The following FHOD3 variants were observed in gnomAD, a reference collection of about 807,000 sequenced individuals.
FHOD3 encodes formin homology 2 domain containing 3, also known as FH1/FH2 domain-containing protein 3.
Under a neutral mutation model 173.0 loss-of-function variants are expected in FHOD3, and 90 were observed. That is an observed-to-expected ratio of 0.52 (90% confidence interval 0.44 to 0.62). FHOD3 has a LOEUF of 0.62. Ranked by LOEUF, FHOD3 falls within the 20% of genes least tolerant of loss-of-function variation. FHOD3 has a pLI of 0.00. For synonymous variants in FHOD3, 828 were observed against 823.0 expected, an observed-to-expected ratio of 1.01 and a Z score of -0.10; for missense variants, 1,945 against 2,034.7, an observed-to-expected ratio of 0.96 and a Z score of 0.85.
At chr18:36,684,687 T>C (rs768515408) in intron 15 of FHOD3, among the ~76,000 whole-genome samples, 8 of 151,988 alleles carry the variant, frequency 5.3e-5, no homozygotes, top group Admixed American at 2.6e-4. Context: ...AAACAAAAAT[T>C]GAAAGAAAAA....
At chr18:36,396,692 T>C (rs2048568872) in intron 3 of FHOD3, among the ~76,000 whole-genome samples, 1 of 152,224 alleles carries the variant, frequency 6.6e-6, no homozygotes, top group Non-Finnish European at 1.5e-5. Context: ...AATTTAGGTG[T>C]GATTTTAGGC....
chr18:36,745,249 C>T (rs544146395), intron 23 of FHOD3, among the ~76,000 whole-genome samples: 1 of 152,202 alleles, frequency 6.6e-6, no homozygotes. Context: ...CTGAACTGGC[C>T]TATCAGAATT....
intron 16 of FHOD3, among the ~76,000 whole-genome samples, chr18:36,687,812 C>T (rs1251955118): frequency 2.0e-5 from 3 of 152,020 alleles, no homozygotes; most frequent in Non-Finnish European, 4.4e-5. Context: ...TTCTTTTTTT[C>T]ATTTTAAAAA....
At chr18:36,618,035 G>A (rs1391954825) in intron 9 of FHOD3, among the ~76,000 whole-genome samples, 3 of 148,488 alleles carry the variant, frequency 2.0e-5, no homozygotes, top group Non-Finnish European at 4.5e-5. Flanking sequence ...CTTACTTTGT[G>A]TTTGTGACTT....
intron 5 of FHOD3, among the ~76,000 whole-genome samples, chr18:36,539,451 G>C (rs1262814582): frequency 6.6e-6 from 1 of 152,202 alleles, no homozygotes; most frequent in African/African-American, 2.4e-5. Flanking sequence ...AGAGTGAGAT[G>C]GGGGCCCAGT....
At chr18:36,723,527 C>T (rs998678329) in intron 19 of FHOD3, among the ~76,000 whole-genome samples, 6 of 152,152 alleles carry the variant, frequency 3.9e-5, no homozygotes, top group South Asian at 2.1e-4. Flanking sequence ...ACTTTCTCAA[C>T]GGACAGTTTT....
intron 5 of FHOD3, among the ~76,000 whole-genome samples, chr18:36,539,375 A>C (rs1222972304): frequency 6.6e-6 from 1 of 152,214 alleles, no homozygotes; most frequent in African/African-American, 2.4e-5. Flanking sequence ...CGTGTATAGA[A>C]GACATGGAGT....
intron 1 of FHOD3, among the ~76,000 whole-genome samples, chr18:36,300,114 A>G (rs1598620419): frequency 1.3e-5 from 2 of 152,210 alleles, no homozygotes; most frequent in African/African-American, 4.8e-5. Flanking sequence ...CATACTACAC[A>G]GCTCCATAAG....
chr18:36,702,977 A>G (rs2039674416), intron 17 of FHOD3, among the ~76,000 whole-genome samples: 1 of 152,220 alleles, frequency 6.6e-6, no homozygotes, highest in Admixed American at 6.5e-5. Flanking sequence ...TGCTAGCATG[A>G]GCTCTGCTTA....
Position 36,681,428 on chromosome 18 carries a change from A to G in FHOD3, c.1836-8A>G, listed in dbSNP as rs770557225. 1.9e-6 allele frequency: 3 copies of G among 1,613,648 alleles called. No homozygotes were observed. The Admixed American group carries it at 5.0e-5, about 27-fold the overall frequency. On this transcript the variant is annotated splice_region_variant and splice_polypyrimidine_tract_variant and intron_variant, in intron 14 of 28. Transcript: ENST00000590592. ...AGCAACTGAAACATTAACTCATTGT[A>G]TCTCCAGGTCATCACCGAGTGGTCT...
chr18:36,379,758 A>C (rs1215973253), intron 3 of FHOD3, among the ~76,000 whole-genome samples: 1 of 152,188 alleles, frequency 6.6e-6, no homozygotes, highest in African/African-American at 2.4e-5. Flanking sequence ...TCCTTTCACA[A>C]GTCTGGCCTG....
Position 36,594,916 on chromosome 18 carries a change from C to G in FHOD3, c.718+18C>G. The G allele has an allele frequency of 6.5e-7, 1 of 1,542,756 alleles. No individual in the cohort carries two copies. Among genetic ancestry groups the G allele is most frequent in the South Asian group, 1.1e-5 (1 of 88,152 alleles). On this transcript the variant is annotated intron_variant, in intron 7 of 28. Coordinates refer to ENST00000590592, the MANE Select transcript of FHOD3 (RefSeq NM_001281740.3). ...GAAAAGAGGTGAGTAGTCCCTGCCC[C>G]CTTATGTCATGAAGGTGAAGGTGTC...
At chr18:36,777,204 T>TC (rs2043735472) in intron 28 of FHOD3, among the ~76,000 whole-genome samples, 2 of 145,744 alleles carry the variant, frequency 1.4e-5, no homozygotes. Flanking sequence ...TTTTCTTTTT[T>TC]TTTTTTTTTT....
chr18:36,623,106 G>A (rs2033837417), intron 9 of FHOD3, among the ~76,000 whole-genome samples: 1 of 152,206 alleles, frequency 6.6e-6, no homozygotes, highest in South Asian at 2.1e-4. Context: ...TTATGGTGTT[G>A]CCTTGATAAT....
chr18:36,479,590 C>T (rs2053770567), intron 3 of FHOD3, among the ~76,000 whole-genome samples: 2 of 84,958 alleles, frequency 2.4e-5, no homozygotes, highest in South Asian at 8.3e-4. Flanking sequence ...GGAATGTGTA[C>T]TATAAAGTAT....
intron 14 of FHOD3, 98 bp downstream of exon 14, chr18:36,658,286 A>G (rs1279419006): frequency 1.3e-6 from 1 of 764,476 alleles, no homozygotes; most frequent in African/African-American, 1.9e-5. Flanking sequence ...TAAAAGACAT[A>G]ACATGAAGTA....
chr18:36,609,270 G>A (rs769521172), intron 8 of FHOD3, among the ~76,000 whole-genome samples: 15 of 151,978 alleles, frequency 9.9e-5, no homozygotes, highest in Admixed American at 3.9e-4. Flanking sequence ...GGACAACTTA[G>A]CAGCAGAGGC....
At chr18:36,410,797 A>G (rs1414749821) in intron 3 of FHOD3, among the ~76,000 whole-genome samples, 3 of 152,186 alleles carry the variant, frequency 2.0e-5, no homozygotes, top group African/African-American at 7.2e-5. Flanking sequence ...GCATTTGTAT[A>G]TCACCTTTGG....
chr18:36,417,463 C>G (rs1303062293), intron 3 of FHOD3, among the ~76,000 whole-genome samples: 1 of 152,136 alleles, frequency 6.6e-6, no homozygotes, highest in East Asian at 1.9e-4. Context: ...TTTATCCAGT[C>G]TATCATTCAT....
Sources: gnomAD v4.1 joint callset for allele counts (sites outside exome capture counted in the v4.1 genomes callset) on GRCh38, gnomAD v4.1.1 for gene constraint, MANE v1.5 for transcripts, NCBI Gene and HGNC (gene_info 2026-07-23, HGNC 2026-07-21) for gene names.